Variants in UGT1A9 observed in about 807,000 individuals in gnomAD.
UGT1A9 encodes UDP-glucuronosyltransferase 1A9.
A neutral mutation model predicts 45.0 loss-of-function variants in UGT1A9; 35 were observed. That is an observed-to-expected ratio of 0.78 (90% CI 0.59 to 1.03). UGT1A9 has a LOEUF of 1.03. UGT1A9 is among the 50% of genes least tolerant of loss of function. The probability of loss-of-function intolerance (pLI) is 0.00; values close to 1 mark genes in which losing one functional copy is unlikely to be tolerated. For missense variants in UGT1A9, 687 were observed against 666.6 expected, an observed-to-expected ratio of 1.03 and a Z score of -0.34; for synonymous variants, 278 against 250.6, an observed-to-expected ratio of 1.11 and a Z score of -1.03.
intron 1 of UGT1A9, among the ~76,000 whole-genome samples, chr2:233,703,406 T>C (rs375646119): frequency 2.2e-4 from 33 of 152,288 alleles, no homozygotes; most frequent in Middle Eastern, 6.8e-3. Flanking sequence ...AATTTTGGTT[T>C]TGTTTATTTT....
intron 1 of UGT1A9, among the ~76,000 whole-genome samples, chr2:233,737,817 A>C (rs1486472314): frequency 6.6e-6 from 1 of 152,110 alleles, no homozygotes; most frequent in Admixed American, 6.5e-5. Flanking sequence ...TCAGTGGAGC[A>C]GAACAAATTG....
intron 1 of UGT1A9, chr2:233,754,900 C>A (rs900398132): frequency 7.4e-7 from 1 of 1,352,224 alleles, no homozygotes; most frequent in African/African-American, 1.5e-5. Flanking sequence ...CTCTGACCCC[C>A]CAAAATATTC....
At chr2:233,730,730 G>A (rs186110324) in intron 1 of UGT1A9, among the ~76,000 whole-genome samples, 24 of 152,186 alleles carry the variant, frequency 1.6e-4, no homozygotes, top group African/African-American at 4.1e-4. Context: ...AAGAAATGGC[G>A]GAAGGGGCTA....
In UGT1A9 at chr2:233,713,810, G is replaced by T. The variant is rs537377644; in HGVS notation, c.855+41021G>T. On this transcript the variant is annotated intron_variant, in intron 1 of 4. Coordinates refer to ENST00000354728, the MANE Select transcript of UGT1A9 (RefSeq NM_021027.3). ...ACCCCAGGCCGATCATGCCCAACAT[G>T]GTCTTCATTGGGGGCATCAACTGTG... 2.5e-6 allele frequency: 4 copies of T among 1,614,058 alleles called. No individual in the cohort carries two copies. The South Asian group carries it at 4.4e-5, about 18-fold the overall frequency.
Position 233,686,983 on chromosome 2 carries a change from C to T in UGT1A9, c.855+14194C>T, listed in dbSNP as rs930412019. On this transcript the variant is annotated intron_variant, in intron 1 of 4. Transcript: ENST00000354728. ...ATTAGCAAGGCAGGGAAGTTGTACC[C>T]CAAGTCTTGGTTTCAACACTAGAGG... Among the ~76,000 whole-genome samples the T allele has an allele frequency of 2.6e-5, 4 of 152,148 alleles. No individual in the cohort carries two copies. In the South Asian group the frequency reaches 8.3e-4, roughly 32 times the overall value.
intron 1 of UGT1A9, among the ~76,000 whole-genome samples, chr2:233,673,154 A>T (rs1199864459): frequency 2.0e-5 from 3 of 152,190 alleles, no homozygotes; most frequent in Non-Finnish European, 2.9e-5. Flanking sequence ...TAATGTTTTT[A>T]AAAAAGTACT....
chr2:233,768,916 T>A (rs1454588101), intron 4 of UGT1A9, among the ~76,000 whole-genome samples: 1 of 152,138 alleles, frequency 6.6e-6, no homozygotes, highest in African/African-American at 2.4e-5. Context: ...TAGAGGTTAT[T>A]ATTCACTTTA....
At chr2:233,761,445 T>C (rs1438331604) in intron 1 of UGT1A9, among the ~76,000 whole-genome samples, 2 of 152,234 alleles carry the variant, frequency 1.3e-5, no homozygotes, top group African/African-American at 4.8e-5. Flanking sequence ...CACAGAATGC[T>C]GGGTTTGGGG....
intron 1 of UGT1A9, among the ~76,000 whole-genome samples, chr2:233,734,104 A>T (rs1173344990): frequency 6.6e-6 from 1 of 151,308 alleles, no homozygotes; most frequent in African/African-American, 2.4e-5. Context: ...CTTAAAGTAT[A>T]ATAATAATAA....
At chr2:233,722,458 CTG>C (rs1559367331) in intron 1 of UGT1A9, among the ~76,000 whole-genome samples, 1 of 152,186 alleles carries the variant, frequency 6.6e-6, no homozygotes, top group South Asian at 2.1e-4. Flanking sequence ...AAAGAAATAA[CTG>C]TGGAATTTGT....
chr2:233,730,522 G>A (rs45560734), intron 1 of UGT1A9, among the ~76,000 whole-genome samples: 4,919 of 152,208 alleles, frequency 0.032, 260 homozygotes, highest in African/African-American at 0.11. Flanking sequence ...TGGAAGTGGG[G>A]CAATGAAGTT....
chr2:233,680,858 T>C (rs10199293), intron 1 of UGT1A9, among the ~76,000 whole-genome samples: 97,722 of 151,792 alleles, frequency 0.64, 31,915 homozygotes, highest in African/African-American at 0.72. Context: ...GACAGCTCAT[T>C]AGAGTGCTTG....
intron 1 of UGT1A9, chr2:233,747,082 G>A (rs1458761598): frequency 2.6e-6 from 3 of 1,146,350 alleles, no homozygotes; most frequent in Non-Finnish European, 3.6e-6. Flanking sequence ...TTAACTAGGA[G>A]GAGAGCACTC....
chr2:233,743,808 C>T (rs2125856217), intron 1 of UGT1A9: 1 of 1,367,328 alleles, frequency 7.3e-7, no homozygotes, highest in South Asian at 1.1e-5. Flanking sequence ...TCCTTGTTCT[C>T]AGGGTTTTTG....
chr2:233,681,380 A>G (rs1415274445), intron 1 of UGT1A9, among the ~76,000 whole-genome samples: 1 of 151,918 alleles, frequency 6.6e-6, no homozygotes, highest in Non-Finnish European at 1.5e-5. Flanking sequence ...CTAAAATACA[A>G]AAAGTTAGCT....
chr2:233,750,847 G>C (rs534611009), intron 1 of UGT1A9: 1 of 152,014 alleles, frequency 6.6e-6, no homozygotes, highest in African/African-American at 2.4e-5. Flanking sequence ...GGAAATGCTT[G>C]GATGTCCAGG....
intron 1 of UGT1A9, chr2:233,682,902 T>C: frequency 6.7e-7 from 1 of 1,503,334 alleles, no homozygotes; most frequent in Non-Finnish European, 8.8e-7. Flanking sequence ...GGAATTTCTT[T>C]CTGGTTTAAG....
intron 1 of UGT1A9, among the ~76,000 whole-genome samples, chr2:233,710,127 C>A (rs1404227374): frequency 6.6e-6 from 1 of 152,186 alleles, no homozygotes; most frequent in Non-Finnish European, 1.5e-5. Flanking sequence ...TTCCGAGTAG[C>A]ATTTCATTGT....
chr2:233,745,544 C>T (rs1418147485), intron 1 of UGT1A9, among the ~76,000 whole-genome samples: 1 of 151,628 alleles, frequency 6.6e-6, no homozygotes, highest in Non-Finnish European at 1.5e-5. Context: ...GTCACCAGAA[C>T]AAACTTCTAA....
Sources: allele counts gnomAD v4.1 joint callset (sites outside exome capture counted in the v4.1 genomes callset), GRCh38; gene constraint gnomAD v4.1.1; transcripts MANE v1.5; gene names NCBI Gene and HGNC (gene_info 2026-07-23, HGNC 2026-07-21).